Variants in LRRC17 observed in about 807,000 individuals in gnomAD.
LRRC17 encodes the protein leucine-rich repeat-containing protein 17.
In LRRC17, 33 loss-of-function variants were observed where a neutral mutation model predicts 41.5. The observed-to-expected ratio is 0.80, with a 90% confidence interval of 0.60 to 1.06. The LOEUF is 1.06. Among genes scored for constraint, LRRC17 ranks in the 50% least tolerant of loss-of-function variants. The pLI, the probability that LRRC17 is intolerant of heterozygous loss-of-function variation, is 0.00. For missense variants in LRRC17, 491 were observed against 519.3 expected, an observed-to-expected ratio of 0.95 and a Z score of 0.53; for synonymous variants, 192 against 197.0, an observed-to-expected ratio of 0.97 and a Z score of 0.21.
Position 102,944,753 on chromosome 7 carries a change from G to T in LRRC17, c.*146G>T, listed in dbSNP as rs567863697. The T allele has an allele frequency of 2.9e-5, 20 of 679,298 alleles. 1 individual carries two copies. The South Asian group carries it at 4.4e-4, about 15-fold the overall frequency. 42.1% of individuals were successfully genotyped at this position (679,298 alleles called of 1,614,324 possible). The stretch of plus-strand genomic sequence containing the variant: ...TTTCTTTAATTATAAGTATTATTGT[G>T]ACTATTATAGTAATCAAGAGAATGC... On this transcript the variant is annotated 3_prime_UTR_variant, in exon 4 of 4. Coordinates refer to ENST00000339431, the MANE Select transcript of LRRC17 (RefSeq NM_001031692.3).
At chr7:102,924,117 A>G (rs570379539) in intron 1 of LRRC17, among the ~76,000 whole-genome samples, 3 of 152,040 alleles carry the variant, frequency 2.0e-5, no homozygotes, top group African/African-American at 7.2e-5. Flanking sequence ...ACATGCCTCT[A>G]ATCCCAGCTA....
At chr7:102,935,949 TA>T (rs1295464992) in intron 2 of LRRC17, among the ~76,000 whole-genome samples, 2 of 152,132 alleles carry the variant, frequency 1.3e-5, no homozygotes, top group Non-Finnish European at 2.9e-5. Flanking sequence ...AGGAATTTAT[TA>T]ATGTTGTCAG....
intron 1 of LRRC17, among the ~76,000 whole-genome samples, chr7:102,921,611 C>T (rs765165677): frequency 6.6e-6 from 1 of 151,676 alleles, no homozygotes; most frequent in African/African-American, 2.4e-5. Context: ...ACCCAGGAGG[C>T]GGAGGCTATG....
At chr7:102,930,413 C>G (rs1383723238) in intron 1 of LRRC17, among the ~76,000 whole-genome samples, 2 of 152,166 alleles carry the variant, frequency 1.3e-5, no homozygotes, top group Non-Finnish European at 2.9e-5. Context: ...CCTTCTACCA[C>G]TCTCTAAGAC....
intron 1 of LRRC17, among the ~76,000 whole-genome samples, chr7:102,931,245 A>G (rs187427739): frequency 1.3e-3 from 205 of 152,366 alleles, no homozygotes; most frequent in African/African-American, 4.7e-3. Context: ...ACTGCAAATT[A>G]GTGTGTACAC....
At chr7:102,937,754 C>T (rs1820611532) in intron 2 of LRRC17, among the ~76,000 whole-genome samples, 2 of 152,102 alleles carry the variant, frequency 1.3e-5, no homozygotes, top group South Asian at 4.1e-4. Flanking sequence ...TTTATTCTTT[C>T]AAAGCAGTAA....
Position 102,934,293 on chromosome 7 carries a change from GT to G in LRRC17, c.383del (p.Leu128Ter), listed in dbSNP as rs1354660156. ...ISKIESEAFF[G>X]LNKLTTLLLQ... ...AAAATTGAGAGTGAGGCGTTCTTTG[GT>G]TTAAACAAACTCACCACCCTCTTAC... On this transcript the variant is annotated frameshift_variant, in exon 2 of 4. Transcript: ENST00000339431. LOFTEE classifies it high-confidence loss of function. The G allele has an allele frequency of 6.2e-7, 1 of 1,613,950 alleles. No homozygotes were observed. The highest frequency in any genetic ancestry group is 8.5e-7 in the Non-Finnish European group (1 of 1,180,014).
Position 102,944,706 on chromosome 7 carries a change from G to GCTAAA in LRRC17, c.*99_*100insCTAAA. 9.4e-7 allele frequency: 1 copy of GCTAAA among 1,068,672 alleles called. No individual in the cohort carries two copies. The highest frequency in any genetic ancestry group is 2.7e-5 in the Admixed American group (1 of 36,486). 66.2% of individuals were successfully genotyped at this position (1,068,672 alleles called of 1,614,324 possible). A position where few individuals can be genotyped will look rare whatever the true frequency, so the allele number is the denominator to read the frequency against. On this transcript the variant is annotated 3_prime_UTR_variant, in exon 4 of 4. Coordinates refer to ENST00000339431, the MANE Select transcript of LRRC17 (RefSeq NM_001031692.3). ...ATTAACTGTGTTGCCTATTTATGCAGGGTAATCCAGCTAAAGGAAGCTTTC... is the reference window on the plus strand; with the variant it reads ...ATTAACTGTGTTGCCTATTTATGCAGCTAAAGGTAATCCAGCTAAAGGAAGCTTTC...
chr7:102,927,566 T>C (rs544463286), intron 1 of LRRC17, among the ~76,000 whole-genome samples: 15 of 152,282 alleles, frequency 9.9e-5, no homozygotes, highest in African/African-American at 2.4e-4. Flanking sequence ...CAGATAGGAA[T>C]TGGTTGATTT....
chr7:102,941,500 G>C (rs1035278460), intron 3 of LRRC17, among the ~76,000 whole-genome samples: 3 of 152,026 alleles, frequency 2.0e-5, no homozygotes, highest in Non-Finnish European at 4.4e-5. Flanking sequence ...TAAAACTCTG[G>C]TCTCCCGCAC....
chr7:102,934,811 T>C, intron 2 of LRRC17, 126 bp downstream of exon 2: 1 of 891,510 alleles, frequency 1.1e-6, no homozygotes. Flanking sequence ...AATCCTTCCC[T>C]ATTGACAATG....
chr7:102,916,294 G>A (rs1463346097), intron 1 of LRRC17, among the ~76,000 whole-genome samples: 1 of 152,110 alleles, frequency 6.6e-6, no homozygotes, highest in Admixed American at 6.5e-5. Context: ...GCCGAGATGA[G>A]TTTTTTATAT....
chr7:102,930,255 G>A (rs1818922290), intron 1 of LRRC17, among the ~76,000 whole-genome samples: 1 of 152,180 alleles, frequency 6.6e-6, no homozygotes. Flanking sequence ...GGCCTTCATG[G>A]TGGAGCTGGT....
At chr7:102,937,345 CA>C (rs373845836) in intron 2 of LRRC17, among the ~76,000 whole-genome samples, 11 of 143,708 alleles carry the variant, frequency 7.7e-5, no homozygotes, top group African/African-American at 2.3e-4. Flanking sequence ...ACTAAAAATA[CA>C]AAAAAAAAAA....
intron 1 of LRRC17, among the ~76,000 whole-genome samples, chr7:102,923,472 A>G (rs1317742961): frequency 1.3e-5 from 2 of 152,204 alleles, no homozygotes; most frequent in African/African-American, 4.8e-5. Flanking sequence ...AACACAGATA[A>G]AGTAACATGC....
intron 1 of LRRC17, among the ~76,000 whole-genome samples, chr7:102,913,509 T>C (rs893350935): frequency 6.6e-6 from 1 of 152,160 alleles, no homozygotes; most frequent in Non-Finnish European, 1.5e-5. Flanking sequence ...TTTTTTGGTG[T>C]GTGTGAGGTG....
At chr7:102,926,666 A>G (rs941215068) in intron 1 of LRRC17, among the ~76,000 whole-genome samples, 1 of 152,188 alleles carries the variant, frequency 6.6e-6, no homozygotes, top group Admixed American at 6.5e-5. Context: ...TGTCACACGA[A>G]ATTTGAGCTC....
In LRRC17 at chr7:102,944,888, G is replaced by A. The variant is rs1713549330; in HGVS notation, c.*281G>A. The A allele has an allele frequency of 3.4e-6, 1 of 295,228 alleles. No individual in the cohort carries two copies. Among genetic ancestry groups the A allele is most frequent in the Non-Finnish European group, 6.2e-6 (1 of 162,446 alleles). 18.3% of individuals were successfully genotyped at this position (295,228 alleles called of 1,614,324 possible). A position where few individuals can be genotyped will look rare whatever the true frequency, so the allele number is the denominator to read the frequency against. On this transcript the variant is annotated 3_prime_UTR_variant, in exon 4 of 4. Transcript: ENST00000339431. ...AATGATGGCATTAGACTTTCATAAT[G>A]TCCTGTATAAATGTTTTTACTGCTT... is the stretch of plus-strand genomic sequence containing the variant.
chr7:102,937,687 A>G (rs1820598688), intron 2 of LRRC17, among the ~76,000 whole-genome samples: 2 of 152,170 alleles, frequency 1.3e-5, no homozygotes, highest in South Asian at 4.1e-4. Flanking sequence ...TCCCTTTGGT[A>G]GTGCCTGCCA....
Sources: allele counts gnomAD v4.1 joint callset (sites outside exome capture counted in the v4.1 genomes callset), GRCh38; gene constraint gnomAD v4.1.1; transcripts MANE v1.5; gene names NCBI Gene and HGNC (gene_info 2026-07-23, HGNC 2026-07-21).